COQ3: variants seen among roughly 807,000 people sequenced by gnomAD.
COQ3 encodes coenzyme Q3, methyltransferase.
Under a neutral mutation model 33.1 loss-of-function variants are expected in COQ3, and 29 were observed. The ratio of observed to expected loss-of-function variants is 0.88; its 90% confidence interval spans 0.65 to 1.19. COQ3 has a LOEUF of 1.19. Among genes scored for constraint, COQ3 ranks in the 50% most tolerant of loss-of-function variants. The pLI, the probability that COQ3 is intolerant of heterozygous loss-of-function variation, is 0.00. For synonymous variants in COQ3, 173 were observed against 157.8 expected, an observed-to-expected ratio of 1.10 and a Z score of -0.72; for missense variants, 437 against 430.7, an observed-to-expected ratio of 1.01 and a Z score of -0.13.
chr6:99,382,468 T>G (rs1401536131), intron 2 of COQ3, among the ~76,000 whole-genome samples: 1 of 152,228 alleles, frequency 6.6e-6, no homozygotes, highest in African/African-American at 2.4e-5. Context: ...AAGATTCAAG[T>G]GTCATTCCTC....
intron 1 of COQ3, among the ~76,000 whole-genome samples, chr6:99,389,196 C>T (rs921150892): frequency 3.3e-5 from 5 of 152,136 alleles, no homozygotes; most frequent in Non-Finnish European, 5.9e-5. Context: ...GATCTCAGCT[C>T]ACTGCAATCT....
Position 99,370,837 on chromosome 6 carries a change from T to G in COQ3, c.889+591A>C, listed in dbSNP as rs563578592. On this transcript the variant is annotated intron_variant, in intron 6 of 6. Transcript: ENST00000254759. ...CAAATAAATGAACTGACAAGCACTATTACTTGACCAGAATTCATCACATAA... is the reference window on the plus strand; with the variant it reads ...CAAATAAATGAACTGACAAGCACTAGTACTTGACCAGAATTCATCACATAA... Among the ~76,000 whole-genome samples, 4 of 152,228 alleles carry G rather than the reference T, an allele frequency of 2.6e-5. 1 individual carries two copies. The highest frequency in any genetic ancestry group is 9.6e-5 in the African/African-American group (4 of 41,538).
At chr6:99,389,265 G>A (rs1774755129) in intron 1 of COQ3, among the ~76,000 whole-genome samples, 1 of 151,866 alleles carries the variant, frequency 6.6e-6, no homozygotes, top group Non-Finnish European at 1.5e-5. Context: ...GGGACTACAG[G>A]TGCACACGCC....
intron 1 of COQ3, among the ~76,000 whole-genome samples, chr6:99,392,606 T>C (rs1225075358): frequency 6.6e-6 from 1 of 151,300 alleles, no homozygotes; most frequent in Non-Finnish European, 1.5e-5. Flanking sequence ...ATTCTCGAGC[T>C]GGTCCTTTCC....
intron 5 of COQ3, among the ~76,000 whole-genome samples, chr6:99,371,863 T>C (rs1774153985): frequency 6.6e-6 from 1 of 152,182 alleles, no homozygotes; most frequent in South Asian, 2.1e-4. Context: ...ATATATTCTT[T>C]TGTACATATC....
intron 3 of COQ3, 68 bp from the exon 4 acceptor site, chr6:99,377,553 T>C (rs1242370427): frequency 8.1e-6 from 9 of 1,115,192 alleles, no homozygotes; most frequent in Non-Finnish European, 1.2e-5. Flanking sequence ...TCACAAAGTG[T>C]GTAGTTTTCA....
chr6:99,382,250 T>C (rs2128472262), intron 2 of COQ3, among the ~76,000 whole-genome samples: 1 of 152,218 alleles, frequency 6.6e-6, no homozygotes, highest in South Asian at 2.1e-4. Flanking sequence ...TTAAATGGGA[T>C]CAAACAGGAG....
At chr6:99,380,883 G>A (rs938841835) in intron 2 of COQ3, among the ~76,000 whole-genome samples, 9 of 151,958 alleles carry the variant, frequency 5.9e-5, no homozygotes, top group East Asian at 3.9e-4. Flanking sequence ...CTCCAGCCTC[G>A]GCGACAGAGT....
chr6:99,382,269 G>A (rs1310084375), intron 2 of COQ3, among the ~76,000 whole-genome samples: 1 of 152,100 alleles, frequency 6.6e-6, no homozygotes, highest in Non-Finnish European at 1.5e-5. Flanking sequence ...AGTAAAGAGG[G>A]ATTAGATAGA....
At chr6:99,386,946 T>C (rs1399467189) in intron 1 of COQ3, among the ~76,000 whole-genome samples, 1 of 152,114 alleles carries the variant, frequency 6.6e-6, no homozygotes, top group Non-Finnish European at 1.5e-5. Context: ...CCAACATTAC[T>C]CTGATACAAA....
chr6:99,378,159 T>TAG (rs10542899), intron 3 of COQ3, among the ~76,000 whole-genome samples: 28 of 43,152 alleles, frequency 6.5e-4, no homozygotes, highest in East Asian at 2.4e-3. Flanking sequence ...TATATATATT[T>TAG]AGAGAGAGAG....
chr6:99,391,430 A>AT (rs1774827116), intron 1 of COQ3, among the ~76,000 whole-genome samples: 1 of 151,990 alleles, frequency 6.6e-6, no homozygotes, highest in Admixed American at 6.6e-5. Context: ...CACCAACTCT[A>AT]TCTGGACTAC....
At chr6:99,388,769 A>G (rs1774731053) in intron 1 of COQ3, among the ~76,000 whole-genome samples, 2 of 152,016 alleles carry the variant, frequency 1.3e-5, no homozygotes, top group Admixed American at 1.3e-4. Flanking sequence ...AATTGTTTGA[A>G]CCCAGGAGGC....
At chr6:99,376,326 C>T in intron 4 of COQ3, 144 bp from the exon 5 acceptor site, 1 of 810,450 alleles carries the variant, frequency 1.2e-6, no homozygotes, top group Non-Finnish European at 1.9e-6. Context: ...ACTCATATAC[C>T]ATTTTCTCTA....
intron 3 of COQ3, among the ~76,000 whole-genome samples, chr6:99,379,157 C>A (rs113336734): frequency 2.6e-5 from 4 of 151,904 alleles, no homozygotes; most frequent in African/African-American, 9.7e-5. Context: ...TAATGCTATC[C>A]CTCGCCCCTC....
Position 99,380,321 on chromosome 6 carries a change from TAC to T in COQ3, c.252_253del (p.Tyr85GlnfsTer11). Reference sequence around the variant, plus strand: ...GTCGACAGTGGTTTGGGAAGTACTGTACAGTCTCGCCCAAGGGTACCTAAAAG... The same window carrying T: ...GTCGACAGTGGTTTGGGAAGTACTGTAGTCTCGCCCAAGGGTACCTAAAAG... On this transcript the variant is annotated frameshift_variant, in exon 3 of 7. Coordinates refer to ENST00000254759, the MANE Select transcript of COQ3 (RefSeq NM_017421.4). LOFTEE classifies it high-confidence loss of function. 1 of 1,613,952 alleles carries T rather than the reference TAC, an allele frequency of 6.2e-7. No homozygotes were observed. Among genetic ancestry groups the T allele is most frequent in the East Asian group, 2.2e-5 (1 of 44,864 alleles).
intron 5 of COQ3, 47 bp downstream of exon 5, chr6:99,375,893 C>T (rs1774266898): frequency 2.5e-6 from 4 of 1,601,652 alleles, no homozygotes; most frequent in Non-Finnish European, 3.4e-6. Context: ...GATACAAATA[C>T]ACACACTCAG....
chr6:99,388,410 C>T (rs943857535), intron 1 of COQ3, among the ~76,000 whole-genome samples: 11 of 152,104 alleles, frequency 7.2e-5, no homozygotes, highest in South Asian at 2.1e-4. Context: ...AAAGAATAAA[C>T]GTGAGACATA....
At chr6:99,375,906 G>A in intron 5 of COQ3, 34 bp downstream of exon 5, 1 of 1,610,368 alleles carries the variant, frequency 6.2e-7, no homozygotes, top group South Asian at 1.1e-5. Context: ...ACACTCAGAA[G>A]AAGAAACCAA....
Sources: gnomAD v4.1 joint callset for allele counts (sites outside exome capture counted in the v4.1 genomes callset) on GRCh38, gnomAD v4.1.1 for gene constraint, MANE v1.5 for transcripts, NCBI Gene and HGNC (gene_info 2026-07-23, HGNC 2026-07-21) for gene names.